Variants in LRP1B observed in about 807,000 individuals in gnomAD.
LRP1B encodes the protein LDL receptor related protein 1B.
A neutral mutation model predicts 556.6 loss-of-function variants in LRP1B; 217 were observed. That is an observed-to-expected ratio of 0.39 (90% CI 0.35 to 0.44). The LOEUF (loss-of-function observed/expected upper bound fraction) is 0.44. Among genes scored for constraint, LRP1B ranks in the 20% least tolerant of loss-of-function variants. The pLI is 1.00. For missense variants in LRP1B, 5,053 were observed against 5,620.8 expected (o/e 0.90, Z 3.23); for synonymous variants, 2,047 against 1,865.8 (o/e 1.10, Z -2.50).
intron 41 of LRP1B, among the ~76,000 whole-genome samples, chr2:140,605,665 T>C (rs571208157): frequency 3.0e-4 from 45 of 151,936 alleles, no homozygotes; most frequent in Non-Finnish European, 5.4e-4. Context: ...CCTCCGTTTC[T>C]TTCCTCCCTC....
intron 7 of LRP1B, among the ~76,000 whole-genome samples, chr2:141,114,904 A>T (rs1700848975): frequency 6.6e-6 from 1 of 152,120 alleles, no homozygotes; most frequent in Admixed American, 6.5e-5. Flanking sequence ...TTTTTAAATC[A>T]GGGGCATGCC....
intron 43 of LRP1B, among the ~76,000 whole-genome samples, chr2:140,585,394 T>C (rs561360965): frequency 6.6e-6 from 1 of 152,238 alleles, no homozygotes; most frequent in Non-Finnish European, 1.5e-5. Flanking sequence ...GTTTATTAAT[T>C]TCTCCCACAT....
chr2:141,785,841 C>G (rs778311523), intron 2 of LRP1B, among the ~76,000 whole-genome samples: 10 of 151,322 alleles, frequency 6.6e-5, no homozygotes, highest in Non-Finnish European at 1.3e-4. Flanking sequence ...TTGACTCTAC[C>G]TAATAGTCCA....
chr2:141,222,787 C>T (rs1044770247), intron 6 of LRP1B, among the ~76,000 whole-genome samples: 1 of 152,056 alleles, frequency 6.6e-6, no homozygotes, highest in Admixed American at 6.6e-5. Flanking sequence ...AAGGCAAAAA[C>T]CACATGATTA....
At chr2:140,259,941 T>G (rs1171200017) in intron 86 of LRP1B, among the ~76,000 whole-genome samples, 3 of 151,628 alleles carry the variant, frequency 2.0e-5, no homozygotes, top group Non-Finnish European at 4.4e-5. Flanking sequence ...ACACAGATGA[T>G]GAAGGAAAGG....
At chr2:141,124,028 A>G in intron 7 of LRP1B, among the ~76,000 whole-genome samples, 1 of 152,136 alleles carries the variant, frequency 6.6e-6, no homozygotes, top group Admixed American at 6.6e-5. Context: ...AGGGAGAGAG[A>G]ATATGAGAGA....
intron 43 of LRP1B, among the ~76,000 whole-genome samples, chr2:140,559,873 G>C (rs994416817): frequency 4.6e-5 from 7 of 151,784 alleles, no homozygotes; most frequent in African/African-American, 1.5e-4. Flanking sequence ...CACTTGGCAA[G>C]ATTTACATTA....
intron 41 of LRP1B, among the ~76,000 whole-genome samples, chr2:140,607,186 A>C (rs1682897807): frequency 6.6e-6 from 1 of 152,148 alleles, no homozygotes. Flanking sequence ...AACACATAAA[A>C]AATGCTCAAC....
intron 1 of LRP1B, among the ~76,000 whole-genome samples, chr2:141,943,476 A>G (rs1278782295): frequency 6.6e-6 from 1 of 152,142 alleles, no homozygotes; most frequent in Non-Finnish European, 1.5e-5. Flanking sequence ...CTGAAGTACT[A>G]TTCTTTACAT....
chr2:141,515,599 A>G (rs181946212), intron 2 of LRP1B, among the ~76,000 whole-genome samples: 121 of 152,006 alleles, frequency 8.0e-4, no homozygotes, highest in East Asian at 7.7e-4. Flanking sequence ...CTGACCACTT[A>G]CTCTAGGAAA....
intron 1 of LRP1B, among the ~76,000 whole-genome samples, chr2:142,085,494 T>A (rs767181588): frequency 1.5e-4 from 23 of 152,216 alleles, no homozygotes; most frequent in Non-Finnish European, 3.2e-4. Context: ...ACTAAGTATT[T>A]TTCCCATACA....
chr2:141,842,765 AG>A (rs912861784), intron 1 of LRP1B, among the ~76,000 whole-genome samples: 24 of 152,292 alleles, frequency 1.6e-4, no homozygotes, highest in African/African-American at 5.8e-4. Flanking sequence ...TATTTTACAA[AG>A]TAATGTTGCC....
intron 72 of LRP1B, among the ~76,000 whole-genome samples, chr2:140,363,074 A>G (rs1245274803): frequency 6.6e-6 from 1 of 151,686 alleles, no homozygotes; most frequent in Non-Finnish European, 1.5e-5. Flanking sequence ...TTCTTTAGGT[A>G]GAGTTCATTG....
At chr2:140,330,295 A>G (rs1680740265) in intron 79 of LRP1B, among the ~76,000 whole-genome samples, 1 of 151,502 alleles carries the variant, frequency 6.6e-6, no homozygotes, top group Admixed American at 6.6e-5. Context: ...AGAAAGAACA[A>G]AGCTGGAGGC....
intron 83 of LRP1B, among the ~76,000 whole-genome samples, chr2:140,304,436 T>A (rs1453116211): frequency 4.6e-5 from 7 of 152,252 alleles, no homozygotes; most frequent in Admixed American, 1.3e-4. Context: ...TTCATGTGTC[T>A]GTTGGCTGCA....
intron 2 of LRP1B, among the ~76,000 whole-genome samples, chr2:141,762,239 G>A (rs942868244): frequency 1.3e-5 from 2 of 151,768 alleles, no homozygotes; most frequent in African/African-American, 4.8e-5. Flanking sequence ...CCACTGTTGA[G>A]TATTTCAATA....
At chr2:141,577,964 G>A (rs1686812681) in intron 2 of LRP1B, among the ~76,000 whole-genome samples, 1 of 152,082 alleles carries the variant, frequency 6.6e-6, no homozygotes, top group Admixed American at 6.6e-5. Context: ...ATATTCCACA[G>A]AGCCCAGATA....
chr2:140,918,113 T>G (rs1694631579), intron 21 of LRP1B, among the ~76,000 whole-genome samples: 1 of 152,014 alleles, frequency 6.6e-6, no homozygotes, highest in Non-Finnish European at 1.5e-5. Flanking sequence ...TCTTAGTTAA[T>G]CCAGATTATT....
chr2:141,074,489 A>G (rs1487496777), intron 7 of LRP1B, among the ~76,000 whole-genome samples: 1 of 151,280 alleles, frequency 6.6e-6, no homozygotes, highest in Non-Finnish European at 1.5e-5. Context: ...AAGAGGCCAT[A>G]TTTGCTTGAC....
Sources: allele counts gnomAD v4.1 joint callset (sites outside exome capture counted in the v4.1 genomes callset), GRCh38; gene constraint gnomAD v4.1.1; transcripts MANE v1.5; gene names NCBI Gene and HGNC (gene_info 2026-07-23, HGNC 2026-07-21).